ERBB4: variants seen among roughly 807,000 people sequenced by gnomAD.
ERBB4 encodes the protein receptor tyrosine-protein kinase erbB-4.
ERBB4 carries 42 observed loss-of-function variants against 158.0 expected under a neutral mutation model. That is an observed-to-expected ratio of 0.27 (90% CI 0.21 to 0.34). ERBB4 has a LOEUF of 0.34. Among genes scored for constraint, ERBB4 ranks in the 10% least tolerant of loss-of-function variants. ERBB4 has a pLI of 1.00. For synonymous variants in ERBB4, 583 were observed against 558.7 expected, an observed-to-expected ratio of 1.04 and a Z score of -0.61; for missense variants, 1,333 against 1,624.1, an observed-to-expected ratio of 0.82 and a Z score of 3.08.
chr2:211,566,308 G>A (rs2067545647), intron 19 of ERBB4, among the ~76,000 whole-genome samples: 2 of 152,160 alleles, frequency 1.3e-5, no homozygotes, highest in African/African-American at 4.8e-5. Flanking sequence ...GATCAGAACT[G>A]GTAAGAACGA....
chr2:211,798,064 T>C (rs2076419455), intron 3 of ERBB4, among the ~76,000 whole-genome samples: 2 of 151,992 alleles, frequency 1.3e-5, no homozygotes, highest in Non-Finnish European at 1.5e-5. Flanking sequence ...ACAATATTTG[T>C]ACATCTGTAT....
Position 212,501,027 on chromosome 2 carries a change from C to T in ERBB4, c.82+37422G>A, listed in dbSNP as rs1198959326. ...CTCTCAAGGGAACAATAGACATTAT[C>T]GAAGGAACAACCTGATTTTGTGTTC... On this transcript the variant is annotated intron_variant, in intron 1 of 27. Coordinates refer to ENST00000342788, the MANE Select transcript of ERBB4 (RefSeq NM_005235.3). Among the ~76,000 whole-genome samples, 3 of 152,100 alleles carry T rather than the reference C, an allele frequency of 2.0e-5. No homozygotes were observed. The East Asian group carries it at 5.8e-4, about 29-fold the overall frequency.
chr2:212,470,385 C>T (rs1040832651), intron 1 of ERBB4, among the ~76,000 whole-genome samples: 1 of 152,030 alleles, frequency 6.6e-6, no homozygotes, highest in Non-Finnish European at 1.5e-5. Flanking sequence ...ACTCCAACTA[C>T]GTGATTAAAA....
intron 9 of ERBB4, among the ~76,000 whole-genome samples, chr2:211,710,014 A>G (rs938586041): frequency 1.3e-5 from 2 of 152,126 alleles, no homozygotes; most frequent in Non-Finnish European, 2.9e-5. Flanking sequence ...GCATTCCCCT[A>G]ACAATATTTT....
chr2:211,702,703 T>G (rs1340637039), intron 11 of ERBB4, among the ~76,000 whole-genome samples: 148 of 152,044 alleles, frequency 9.7e-4, no homozygotes, highest in Non-Finnish European at 2.1e-4. Flanking sequence ...GATAGTAAAA[T>G]GTAAAGAATC....
At chr2:212,011,347 T>C (rs975217581) in intron 2 of ERBB4, among the ~76,000 whole-genome samples, 2 of 152,154 alleles carry the variant, frequency 1.3e-5, no homozygotes, top group Non-Finnish European at 2.9e-5. Context: ...TTAAATTTAG[T>C]CCCATGTGTT....
chr2:212,407,380 A>G (rs1162869786), intron 1 of ERBB4, among the ~76,000 whole-genome samples: 1 of 152,012 alleles, frequency 6.6e-6, no homozygotes, highest in Non-Finnish European at 1.5e-5. Flanking sequence ...TGTCATAACA[A>G]TCTAATCAAT....
intron 1 of ERBB4, among the ~76,000 whole-genome samples, chr2:212,398,472 C>A (rs558163308): frequency 6.6e-6 from 1 of 152,180 alleles, no homozygotes; most frequent in Non-Finnish European, 1.5e-5. Context: ...TTCATCCTAA[C>A]AAACACGCTC....
chr2:212,494,658 A>G (rs1361597666), intron 1 of ERBB4, among the ~76,000 whole-genome samples: 2 of 152,098 alleles, frequency 1.3e-5, no homozygotes, highest in Non-Finnish European at 2.9e-5. Context: ...ACTAATGTAC[A>G]AGAATTAAGT....
At chr2:211,765,823 T>C (rs950737871) in intron 4 of ERBB4, among the ~76,000 whole-genome samples, 5 of 152,248 alleles carry the variant, frequency 3.3e-5, no homozygotes, top group Non-Finnish European at 7.3e-5. Flanking sequence ...AGCCAATTTC[T>C]TTATTCTGGG....
intron 1 of ERBB4, among the ~76,000 whole-genome samples, chr2:212,417,213 A>G (rs1003431228): frequency 6.6e-6 from 1 of 152,020 alleles, no homozygotes; most frequent in African/African-American, 2.4e-5. Flanking sequence ...TTTATTTTGT[A>G]ATTTATTTTA....
In ERBB4 at chr2:211,678,906, G is replaced by T. The variant is rs535073720; in HGVS notation, c.1622+146C>A. 1.3e-5 allele frequency: 9 copies of T among 686,492 alleles called. No homozygotes were observed. The East Asian group carries it at 3.2e-4, about 24-fold the overall frequency. The allele number at this position is 686,492 out of a possible 1,614,324, so 42.5% of individuals were successfully genotyped here. On this transcript the variant is annotated intron_variant, in intron 13 of 27. Transcript: ENST00000342788. ...GGCGTGAACCCAGGAGGCGGAGCTT[G>T]CAGTGAGCCGAGATCGTGCCGCTGC...
chr2:212,510,147 T>C (rs960423547), intron 1 of ERBB4, among the ~76,000 whole-genome samples: 3 of 147,476 alleles, frequency 2.0e-5, no homozygotes, highest in South Asian at 2.1e-4. Context: ...TGTATATATA[T>C]ACATATAAAT....
intron 1 of ERBB4, among the ~76,000 whole-genome samples, chr2:212,163,382 A>C (rs1415738893): frequency 6.6e-6 from 1 of 152,048 alleles, no homozygotes; most frequent in African/African-American, 2.4e-5. Flanking sequence ...TAAACAAAAC[A>C]TTGTTTTCCA....
At chr2:212,142,536 A>G (rs1575695149) in intron 1 of ERBB4, among the ~76,000 whole-genome samples, 1 of 150,488 alleles carries the variant, frequency 6.6e-6, no homozygotes, top group East Asian at 1.9e-4. Context: ...ACAGCATTCA[A>G]GATAAGTTAA....
At chr2:211,415,010 ATATTAT>A (rs746581592) in intron 25 of ERBB4, among the ~76,000 whole-genome samples, 28 of 150,386 alleles carry the variant, frequency 1.9e-4, no homozygotes, top group Non-Finnish European at 3.7e-4. Context: ...GTTTTAGCTG[ATATTAT>A]TATTATTATT....
chr2:212,192,175 TTA>T (rs930972006), intron 1 of ERBB4, among the ~76,000 whole-genome samples: 2 of 146,148 alleles, frequency 1.4e-5, no homozygotes, highest in Admixed American at 1.4e-4. Flanking sequence ...GTGTTATATA[TTA>T]TATATATAAT....
chr2:211,426,228 T>G (rs2063624219), intron 22 of ERBB4, among the ~76,000 whole-genome samples: 1 of 152,188 alleles, frequency 6.6e-6, no homozygotes, highest in Non-Finnish European at 1.5e-5. Flanking sequence ...TAGAAAAGGA[T>G]GGTTTCAAGC....
intron 4 of ERBB4, among the ~76,000 whole-genome samples, chr2:211,780,113 G>A (rs1042410043): frequency 2.6e-5 from 4 of 152,184 alleles, no homozygotes; most frequent in African/African-American, 9.7e-5. Flanking sequence ...TGTAATCTTA[G>A]CACTTTGTGA....
Sources: gnomAD v4.1 joint callset for allele counts (sites outside exome capture counted in the v4.1 genomes callset) on GRCh38, gnomAD v4.1.1 for gene constraint, MANE v1.5 for transcripts, NCBI Gene and HGNC (gene_info 2026-07-23, HGNC 2026-07-21) for gene names.